The following SLC24A3 variants were observed in gnomAD, a reference collection of about 807,000 sequenced individuals.
SLC24A3 encodes solute carrier family 24 member 3.
Under a neutral mutation model 75.8 loss-of-function variants are expected in SLC24A3, and 28 were observed. The ratio of observed to expected loss-of-function variants is 0.37; its 90% CI spans 0.27 to 0.51. The LOEUF (loss-of-function observed/expected upper bound fraction) is 0.51. Among genes scored for constraint, SLC24A3 ranks in the 20% least tolerant of loss-of-function variants. The probability of loss-of-function intolerance (pLI) is 0.94; values close to 1 mark genes in which losing one functional copy is unlikely to be tolerated. For missense variants in SLC24A3, 663 were observed against 847.8 expected (o/e 0.78, Z 2.71); for synonymous variants, 372 against 334.1 (o/e 1.11, Z -1.24).
chr20:19,437,115 A>C (rs920764775), intron 2 of SLC24A3, among the ~76,000 whole-genome samples: 1 of 152,214 alleles, frequency 6.6e-6, no homozygotes, highest in African/African-American at 2.4e-5. Flanking sequence ...GGACTGTGTC[A>C]ATGTAGGGGG....
rs1984878920 is a variant in SLC24A3, at chr20:19,327,046, CT to C, written c.271+45965del. Among the ~76,000 whole-genome samples, 10 of 152,292 alleles carry C rather than the reference CT, an allele frequency of 6.6e-5. No individual in the cohort carries two copies. In the South Asian group the frequency reaches 2.1e-3, roughly 32 times the overall value. On this transcript the variant is annotated intron_variant, in intron 2 of 16. Coordinates refer to ENST00000328041, the MANE Select transcript of SLC24A3 (RefSeq NM_020689.4). ...TTACTGTTCTCTACATTTAATTTAA[CT>C]TTTTTATTTCTTTAATTTAAAAAAA...
At chr20:19,372,309 AC>A (rs1396514078) in intron 2 of SLC24A3, among the ~76,000 whole-genome samples, 1 of 152,182 alleles carries the variant, frequency 6.6e-6, no homozygotes, top group Non-Finnish European at 1.5e-5. Context: ...ATATAAAGAG[AC>A]CATAAAGGAA....
intron 4 of SLC24A3, among the ~76,000 whole-genome samples, chr20:19,581,358 A>AT (rs556860245): frequency 1.2e-4 from 18 of 152,118 alleles, no homozygotes; most frequent in Middle Eastern, 6.8e-3. Flanking sequence ...TTCCCATGCA[A>AT]TTTTTTTGGT....
At chr20:19,485,074 T>G (rs1250505513) in intron 2 of SLC24A3, among the ~76,000 whole-genome samples, 1 of 152,194 alleles carries the variant, frequency 6.6e-6, no homozygotes, top group Non-Finnish European at 1.5e-5. Flanking sequence ...GCATGGCTGG[T>G]GGGTGTGAAA....
intron 6 of SLC24A3, among the ~76,000 whole-genome samples, chr20:19,627,375 C>T (rs1456010406): frequency 6.6e-6 from 1 of 152,204 alleles, no homozygotes; most frequent in Admixed American, 6.5e-5. Flanking sequence ...AGTATTTCCA[C>T]ATGTAAGATG....
intron 2 of SLC24A3, among the ~76,000 whole-genome samples, chr20:19,336,267 T>C (rs1296489656): frequency 6.6e-6 from 1 of 152,246 alleles, no homozygotes; most frequent in African/African-American, 2.4e-5. Flanking sequence ...TGTTGGTTTA[T>C]GTGTTATCTG....
chr20:19,660,688 C>T (rs1348145759), intron 7 of SLC24A3, among the ~76,000 whole-genome samples: 1 of 151,842 alleles, frequency 6.6e-6, no homozygotes, highest in African/African-American at 2.4e-5. Context: ...GGTAGATCTA[C>T]TTTCAGTTCT....
chr20:19,554,643 C>G (rs1359336020), intron 3 of SLC24A3, among the ~76,000 whole-genome samples: 2 of 152,198 alleles, frequency 1.3e-5, no homozygotes, highest in African/African-American at 4.8e-5. Context: ...TAATGGGATA[C>G]CTTGCATGTA....
At chr20:19,405,230 T>A (rs1226996135) in intron 2 of SLC24A3, among the ~76,000 whole-genome samples, 8 of 152,122 alleles carry the variant, frequency 5.3e-5, no homozygotes, top group Admixed American at 2.6e-4. Context: ...TAGCATCCCC[T>A]CTGTGCAGTG....
At chr20:19,645,745 A>G (rs562427847) in intron 6 of SLC24A3, among the ~76,000 whole-genome samples, 3 of 152,314 alleles carry the variant, frequency 2.0e-5, no homozygotes, top group Admixed American at 2.0e-4. Flanking sequence ...TAATCAGGCC[A>G]AACAACCAAA....
At chr20:19,328,984 T>C (rs1984932802) in intron 2 of SLC24A3, among the ~76,000 whole-genome samples, 1 of 152,024 alleles carries the variant, frequency 6.6e-6, no homozygotes, top group Non-Finnish European at 1.5e-5. Context: ...GCCTGAAAGT[T>C]GGGCACCAGG....
chr20:19,527,010 G>A (rs913413125), intron 3 of SLC24A3, among the ~76,000 whole-genome samples: 2 of 151,994 alleles, frequency 1.3e-5, no homozygotes, highest in African/African-American at 4.8e-5. Flanking sequence ...TAAACCCCAT[G>A]TATCACGGCC....
Position 19,546,025 on chromosome 20 carries a change from G to T in SLC24A3, c.348+30461G>T, listed in dbSNP as rs186883606. 2.1e-3 allele frequency among the ~76,000 whole-genome samples: 323 copies of T among 151,884 alleles called. 2 individuals carry two copies. Among genetic ancestry groups the T allele is most frequent in the African/African-American group, 7.3e-3 (304 of 41,436 alleles). On this transcript the variant is annotated intron_variant, in intron 3 of 16. Coordinates refer to ENST00000328041, the MANE Select transcript of SLC24A3 (RefSeq NM_020689.4). ...ATACAAAAAATTAGCCGGGCATGGT[G>T]GCGGGCACCTGTAGTCCCAGCTACT...
intron 3 of SLC24A3, among the ~76,000 whole-genome samples, chr20:19,522,503 G>C (rs1264975918): frequency 6.6e-6 from 1 of 152,204 alleles, no homozygotes; most frequent in African/African-American, 2.4e-5. Context: ...AACTTCTCCT[G>C]ACCTCAATAT....
At chr20:19,616,605 G>A (rs567216184) in intron 6 of SLC24A3, among the ~76,000 whole-genome samples, 8 of 152,108 alleles carry the variant, frequency 5.3e-5, no homozygotes, top group Non-Finnish European at 1.2e-4. Flanking sequence ...TAGGCACTTG[G>A]ACTATGAATG....
intron 6 of SLC24A3, among the ~76,000 whole-genome samples, chr20:19,646,865 G>GTGTA (rs2032145991): frequency 6.6e-6 from 1 of 152,086 alleles, no homozygotes; most frequent in Non-Finnish European, 1.5e-5. Context: ...GTGTGTGTGT[G>GTGTA]TGTGTTTATG....
chr20:19,563,064 T>C lies in SLC24A3; in HGVS notation c.349-16936T>C, dbSNP rs142261421. 1.2e-3 allele frequency among the ~76,000 whole-genome samples: 182 copies of C among 152,260 alleles called. 1 individual carries two copies. Among genetic ancestry groups the C allele is most frequent in the Non-Finnish European group, 2.1e-3 (142 of 68,016 alleles). ...ACATCATTATAATAAACTGGAAATA[T>C]GGTGTTGCTTAACTTGGATCTCCAC... On this transcript the variant is annotated intron_variant, in intron 3 of 16. Coordinates refer to ENST00000328041, the MANE Select transcript of SLC24A3 (RefSeq NM_020689.4).
chr20:19,621,015 G>T (rs1568675466), intron 6 of SLC24A3, among the ~76,000 whole-genome samples: 1 of 152,240 alleles, frequency 6.6e-6, no homozygotes, highest in Non-Finnish European at 1.5e-5. Flanking sequence ...TGAGTTTGAT[G>T]TGAAAGGTGC....
chr20:19,302,670 A>G (rs1408928034), intron 2 of SLC24A3, among the ~76,000 whole-genome samples: 1 of 152,222 alleles, frequency 6.6e-6, no homozygotes, highest in Non-Finnish European at 1.5e-5. Context: ...TAAGCACTAA[A>G]TAATTGTATA....
Sources: gnomAD v4.1 joint callset for allele counts (sites outside exome capture counted in the v4.1 genomes callset) on GRCh38, gnomAD v4.1.1 for gene constraint, MANE v1.5 for transcripts, NCBI Gene and HGNC (gene_info 2026-07-23, HGNC 2026-07-21) for gene names.